Variants in TMCC3 observed in about 807,000 individuals in gnomAD.
The protein encoded by TMCC3 is transmembrane and coiled-coil domain protein 3.
Under a neutral mutation model 40.2 loss-of-function variants are expected in TMCC3, and 28 were observed. The observed-to-expected ratio is 0.70, with a 90% CI of 0.52 to 0.95. The LOEUF (loss-of-function observed/expected upper bound fraction) is 0.95, where lower values mean the gene tolerates loss of function less well. Among genes scored for constraint, TMCC3 ranks in the 40% least tolerant of loss-of-function variants. The probability of loss-of-function intolerance (pLI) is 0.00; values close to 1 mark genes in which losing one functional copy is unlikely to be tolerated. For missense variants in TMCC3, 554 were observed against 615.2 expected, an observed-to-expected ratio of 0.90 and a Z score of 1.05; for synonymous variants, 255 against 248.5, an observed-to-expected ratio of 1.03 and a Z score of -0.25.
intron 1 of TMCC3, among the ~76,000 whole-genome samples, 189 bp downstream of exon 1, chr12:94,650,164 A>G (rs2069047402): frequency 6.6e-6 from 1 of 152,088 alleles, no homozygotes; most frequent in African/African-American, 2.4e-5. Flanking sequence ...CCAGAACCGC[A>G]GCCTGGGCTC....
At chr12:94,574,867 G>A (rs1026101025) in intron 3 of TMCC3, among the ~76,000 whole-genome samples, 1 of 152,196 alleles carries the variant, frequency 6.6e-6, no homozygotes, top group African/African-American at 2.4e-5. Context: ...ATTATAAAAT[G>A]AATTACGTGT....
In TMCC3 at chr12:94,650,410, C is replaced by T. The variant is rs747272675; in HGVS notation, c.21G>A (p.Ala7=). 3.4e-5 allele frequency: 45 copies of T among 1,313,350 alleles called. 1 individual carries two copies. The African/African-American group carries it at 4.3e-4, about 13-fold the overall frequency. The allele number at this position is 1,313,350 out of a possible 1,614,324, so 81.4% of individuals were successfully genotyped here. ...ACGAGTAGGTCCGGTCCACGGTGAG[C>T]GCCGTGTCGCTGCCCGGCATCTCCG... MPGSDT[A]LTVDRTYSYP... The change falls in exon 1 of 4, where the codon GCG becomes GCA. Residue 7 remains alanine (A), a synonymous_variant. Coordinates refer to ENST00000261226, the MANE Select transcript of TMCC3 (RefSeq NM_020698.4).
At chr12:94,590,853 C>G in intron 1 of TMCC3, 1 of 543,432 alleles carries the variant, frequency 1.8e-6, no homozygotes, top group South Asian at 1.5e-5. Flanking sequence ...AACAAACTAC[C>G]AACACTGGAG....
In TMCC3 at chr12:94,585,611, T is replaced by C. The variant is rs546163822; in HGVS notation, c.79-3073A>G. ...ACCCGGGAGGCTGAGGCAGGAGAAC[T>C]GCTTGAACCCAGGAGGTGGAGGTTG... On this transcript the variant is annotated intron_variant, in intron 1 of 3. Transcript: ENST00000261226. 5.3e-5 allele frequency among the ~76,000 whole-genome samples: 8 copies of C among 152,232 alleles called. No homozygotes were observed. In the East Asian group the frequency reaches 9.7e-4, roughly 18 times the overall value.
intron 2 of TMCC3, among the ~76,000 whole-genome samples, chr12:94,581,091 A>AT (rs2068598194): frequency 6.6e-6 from 1 of 152,108 alleles, no homozygotes; most frequent in African/African-American, 2.4e-5. Flanking sequence ...TCAGATTTTG[A>AT]TTTTTTTCAG....
intron 1 of TMCC3, among the ~76,000 whole-genome samples, chr12:94,604,499 C>T (rs1169992566): frequency 1.3e-5 from 2 of 151,702 alleles, no homozygotes; most frequent in Non-Finnish European, 2.9e-5. Context: ...GGCAGGGAGG[C>T]GTACAGAATT....
At chr12:94,613,091 C>T (rs1459097796) in intron 1 of TMCC3, among the ~76,000 whole-genome samples, 1 of 149,330 alleles carries the variant, frequency 6.7e-6, no homozygotes, top group African/African-American at 2.5e-5. Context: ...TATATACACA[C>T]AATAAAATGG....
In TMCC3 at chr12:94,582,248, A is replaced by C. The variant is rs370000281; in HGVS notation, c.369T>G (p.Ala123=). Residue 123 remains alanine (A), a synonymous_variant, in exon 2 of 4, where the codon GCT becomes GCG. Coordinates refer to ENST00000261226, the MANE Select transcript of TMCC3 (RefSeq NM_020698.4). ...TCTTCTGCAGCTGGGCGATGGAGTGAGCTGATTTCTGATTCTTCTTCTCAA... is the reference window on the plus strand; with the variant it reads ...TCTTCTGCAGCTGGGCGATGGAGTGCGCTGATTTCTGATTCTTCTTCTCAA... ...QVFEKKNQKS[A]HSIAQLQKKL... The C allele has an allele frequency of 9.3e-6, 15 of 1,614,038 alleles. No individual in the cohort carries two copies. In the African/African-American group the frequency reaches 2.0e-4, roughly 22 times the overall value.
At chr12:94,643,259 C>A (rs1260872769) in intron 1 of TMCC3, among the ~76,000 whole-genome samples, 1 of 152,164 alleles carries the variant, frequency 6.6e-6, no homozygotes, top group Non-Finnish European at 1.5e-5. Context: ...CAGTGCACTC[C>A]CCCAAAGTGT....
At chr12:94,598,440 C>T (rs7954209) in intron 1 of TMCC3, 82,142 of 239,996 alleles carry the variant, frequency 0.34, 14,403 homozygotes, top group African/African-American at 0.39. Flanking sequence ...CAGACTCCTT[C>T]AGACTCCTTG....
intron 1 of TMCC3, among the ~76,000 whole-genome samples, chr12:94,589,993 T>C (rs376000488): frequency 1.3e-5 from 2 of 152,190 alleles, no homozygotes; most frequent in African/African-American, 4.8e-5. Flanking sequence ...TTTAGACTAC[T>C]CTGTCAGAAA....
intron 1 of TMCC3, among the ~76,000 whole-genome samples, chr12:94,633,906 T>C (rs763717072): frequency 1.2e-4 from 19 of 152,158 alleles, no homozygotes; most frequent in Non-Finnish European, 2.8e-4. Flanking sequence ...TTTGGTATTC[T>C]TTGTTTTTCA....
chr12:94,583,174 C>A (rs1353884620), intron 1 of TMCC3, among the ~76,000 whole-genome samples: 1 of 149,974 alleles, frequency 6.7e-6, no homozygotes, highest in East Asian at 1.9e-4. Context: ...TCAAACCACA[C>A]CACAGTGATA....
At chr12:94,634,394 A>G (rs1174734149) in intron 1 of TMCC3, among the ~76,000 whole-genome samples, 2 of 151,986 alleles carry the variant, frequency 1.3e-5, no homozygotes, top group African/African-American at 2.4e-5. Flanking sequence ...TCCATTTCCT[A>G]TTTGGCCAAA....
intron 1 of TMCC3, among the ~76,000 whole-genome samples, chr12:94,642,759 G>A (rs1351531513): frequency 1.3e-5 from 2 of 152,194 alleles, no homozygotes; most frequent in African/African-American, 2.4e-5. Context: ...AACATTAACC[G>A]AGCATTTAGC....
chr12:94,574,293 C>G (rs1176396388), intron 3 of TMCC3, among the ~76,000 whole-genome samples: 1 of 151,540 alleles, frequency 6.6e-6, no homozygotes, highest in Non-Finnish European at 1.5e-5. Flanking sequence ...GAGGTTGAGG[C>G]AGGAGAATCA....
intron 3 of TMCC3, among the ~76,000 whole-genome samples, chr12:94,575,170 G>A (rs2068556284): frequency 6.6e-6 from 1 of 152,178 alleles, no homozygotes; most frequent in Non-Finnish European, 1.5e-5. Flanking sequence ...CAGCCTCCCT[G>A]TCTCTGGCAG....
rs560764359 is a variant in TMCC3 at position 94,571,166 on chromosome 12, C to T, written c.*269G>A. The T allele has an allele frequency of 6.3e-5, 30 of 473,680 alleles. No homozygotes were observed. The highest frequency in any genetic ancestry group is 5.9e-4 in the Middle Eastern group (1 of 1,690). The allele number at this position is 473,680 out of a possible 1,614,324, so 29.3% of individuals were successfully genotyped here. A position where few individuals can be genotyped will look rare whatever the true frequency, so the allele number is the denominator to read the frequency against. ...GGTCTCAATATACAGAGGTTTACCACGCTGGGCTGGTCAGGTGGGCAGGAA... is the reference window on the plus strand; with the variant it reads ...GGTCTCAATATACAGAGGTTTACCATGCTGGGCTGGTCAGGTGGGCAGGAA... On this transcript the variant is annotated 3_prime_UTR_variant, in exon 4 of 4. Coordinates refer to ENST00000261226, the MANE Select transcript of TMCC3 (RefSeq NM_020698.4).
intron 1 of TMCC3, among the ~76,000 whole-genome samples, chr12:94,590,416 T>C (rs1369254929): frequency 6.6e-6 from 1 of 152,100 alleles, no homozygotes; most frequent in African/African-American, 2.4e-5. Flanking sequence ...ATAAAAAAGC[T>C]TACTGCTTGT....
Sources: allele counts gnomAD v4.1 joint callset (sites outside exome capture counted in the v4.1 genomes callset), GRCh38; gene constraint gnomAD v4.1.1; transcripts MANE v1.5; gene names NCBI Gene and HGNC (gene_info 2026-07-23, HGNC 2026-07-21).